The following MTHFD1L variants were observed in gnomAD, a reference collection of about 807,000 sequenced individuals.
The protein encoded by MTHFD1L is monofunctional C1-tetrahydrofolate synthase, mitochondrial.
In MTHFD1L, 81 loss-of-function variants were observed where a neutral mutation model predicts 119.5. The observed-to-expected ratio is 0.68, with a 90% CI of 0.57 to 0.82. The LOEUF (loss-of-function observed/expected upper bound fraction) is 0.82. Among genes scored for constraint, MTHFD1L ranks in the 40% least tolerant of loss-of-function variants. The pLI is 0.00. For synonymous variants in MTHFD1L, 430 were observed against 475.2 expected, an observed-to-expected ratio of 0.90 and a Z score of 1.24; for missense variants, 1,125 against 1,253.4, an observed-to-expected ratio of 0.90 and a Z score of 1.55.
chr6:150,954,870 C>T (rs1454137473), intron 16 of MTHFD1L, among the ~76,000 whole-genome samples: 1 of 152,044 alleles, frequency 6.6e-6, no homozygotes, highest in East Asian at 1.9e-4. Flanking sequence ...CTCAGCCTCC[C>T]AAAGTGCTGG....
chr6:151,062,914 T>C (rs1790813365), intron 26 of MTHFD1L, among the ~76,000 whole-genome samples: 1 of 152,000 alleles, frequency 6.6e-6, no homozygotes, highest in Admixed American at 6.6e-5. Flanking sequence ...GGGATAGCAT[T>C]AGGAGATATA....
At chr6:151,065,630 G>A (rs1375805410) in intron 26 of MTHFD1L, among the ~76,000 whole-genome samples, 2 of 152,224 alleles carry the variant, frequency 1.3e-5, no homozygotes, top group Non-Finnish European at 2.9e-5. Context: ...CCTATCCAGA[G>A]GAAGAGGAAT....
At chr6:150,993,053 C>A (rs1024836245) in intron 20 of MTHFD1L, among the ~76,000 whole-genome samples, 11 of 152,124 alleles carry the variant, frequency 7.2e-5, no homozygotes, top group African/African-American at 2.7e-4. Flanking sequence ...TTGTAAACAC[C>A]AGCAATCTGA....
chr6:150,960,524 A>G, intron 18 of MTHFD1L, 109 bp downstream of exon 18: 1 of 1,398,046 alleles, frequency 7.2e-7, no homozygotes, highest in South Asian at 1.5e-5. Flanking sequence ...GAGGATACAG[A>G]AAAAGTTTCC....
intron 26 of MTHFD1L, among the ~76,000 whole-genome samples, chr6:151,055,158 C>T (rs771788913): frequency 6.6e-6 from 1 of 151,978 alleles, no homozygotes; most frequent in Non-Finnish European, 1.5e-5. Flanking sequence ...CCCAGCTACT[C>T]AGAAGGCTGA....
chr6:150,895,471 A>C (rs1411256758), intron 7 of MTHFD1L, among the ~76,000 whole-genome samples: 1 of 152,154 alleles, frequency 6.6e-6, no homozygotes, highest in Admixed American at 6.5e-5. Flanking sequence ...GAAATCAGAG[A>C]ACCGTTTTAT....
chr6:151,099,136 G>A (rs951026456), intron 27 of MTHFD1L, among the ~76,000 whole-genome samples: 12 of 148,968 alleles, frequency 8.1e-5, no homozygotes, highest in African/African-American at 2.2e-4. Context: ...ATATCGCATC[G>A]CTGCACTCCA....
chr6:151,036,848 G>A (rs1000286383), intron 25 of MTHFD1L, 117 bp from the exon 26 acceptor site: 34 of 1,036,766 alleles, frequency 3.3e-5, no homozygotes, highest in East Asian at 9.8e-5. Context: ...CAGCTCCTGC[G>A]TGTGCCTCGA....
chr6:151,092,612 T>A, intron 27 of MTHFD1L, 25 bp downstream of exon 27: 1 of 1,442,236 alleles, frequency 6.9e-7, no homozygotes, highest in Non-Finnish European at 9.6e-7. Context: ...TTCAACTTTT[T>A]CTCTCTTTGT....
chr6:151,019,354 A>T (rs886829594), intron 24 of MTHFD1L, among the ~76,000 whole-genome samples: 4 of 151,012 alleles, frequency 2.6e-5, no homozygotes, highest in African/African-American at 4.9e-5. Context: ...GGTGAAAAAG[A>T]GGTCAGTAAT....
At chr6:151,011,638 G>A (rs955096804) in intron 21 of MTHFD1L, among the ~76,000 whole-genome samples, 1 of 152,178 alleles carries the variant, frequency 6.6e-6, no homozygotes, top group Non-Finnish European at 1.5e-5. Context: ...CTGTTATTCA[G>A]TGGTTGCACT....
rs139468029 is a variant in MTHFD1L, at chr6:151,052,842, G to A, written c.2847+15725G>A. ...CTGTTTTCCCCTACCCAAAATGTGT[G>A]AGCCTGAGCCCAGCCCCAGGATGGA... On this transcript the variant is annotated intron_variant, in intron 26 of 27. Coordinates refer to ENST00000367321, the MANE Select transcript of MTHFD1L (RefSeq NM_015440.5). 1.3e-3 allele frequency among the ~76,000 whole-genome samples: 201 copies of A among 152,292 alleles called. 1 individual carries two copies. Among genetic ancestry groups the A allele is most frequent in the African/African-American group, 4.4e-3 (184 of 41,556 alleles).
At chr6:150,923,537 A>ATTTATTTATTTATT (rs1254981530) in intron 10 of MTHFD1L, among the ~76,000 whole-genome samples, 1 of 95,206 alleles carries the variant, frequency 1.1e-5, no homozygotes, top group African/African-American at 5.1e-5. Flanking sequence ...TTATTTATTT[A>ATTTATTTATTTATT]TTTTTTCTTT....
chr6:151,046,103 T>G (rs1787969092), intron 26 of MTHFD1L, among the ~76,000 whole-genome samples: 1 of 152,172 alleles, frequency 6.6e-6, no homozygotes, highest in African/African-American at 2.4e-5. Flanking sequence ...TTCTCTCCCC[T>G]AGTGTGATAT....
intron 9 of MTHFD1L, among the ~76,000 whole-genome samples, chr6:150,921,052 A>G (rs1583563797): frequency 1.3e-5 from 2 of 149,462 alleles, no homozygotes; most frequent in African/African-American, 5.0e-5. Context: ...CCCGGGCTCA[A>G]GTGATTCTCC....
intron 19 of MTHFD1L, among the ~76,000 whole-genome samples, chr6:150,967,057 A>G (rs1738570): frequency 0.47 from 71,622 of 151,766 alleles, 17,798 homozygotes; most frequent in South Asian, 0.59. Flanking sequence ...GCATGCACGT[A>G]TCCTCAGAGG....
chr6:150,986,159 A>G (rs58629229), intron 20 of MTHFD1L, among the ~76,000 whole-genome samples: 11,921 of 152,216 alleles, frequency 0.078, 1,570 homozygotes, highest in African/African-American at 0.27. Context: ...TACAGTCTGT[A>G]GTTTTACACA....
chr6:151,055,169 G>C (rs1789684211), intron 26 of MTHFD1L, among the ~76,000 whole-genome samples: 1 of 152,094 alleles, frequency 6.6e-6, no homozygotes, highest in African/African-American at 2.4e-5. Flanking sequence ...AGAAGGCTGA[G>C]GCAGAAGAAT....
intron 24 of MTHFD1L, among the ~76,000 whole-genome samples, chr6:151,031,818 A>G (rs1161544259): frequency 2.0e-5 from 3 of 152,098 alleles, no homozygotes; most frequent in Admixed American, 2.0e-4. Flanking sequence ...TAGAGTTATA[A>G]TTTTCAAGTT....
Sources: allele counts gnomAD v4.1 joint callset (sites outside exome capture counted in the v4.1 genomes callset), GRCh38; gene constraint gnomAD v4.1.1; transcripts MANE v1.5; gene names NCBI Gene and HGNC (gene_info 2026-07-23, HGNC 2026-07-21).